Variants in RAD51B observed in about 807,000 individuals in gnomAD.
The protein encoded by RAD51B is RAD51 paralog B.
Under a neutral mutation model 42.2 loss-of-function variants are expected in RAD51B, and 38 were observed. That is an observed-to-expected ratio of 0.90 (90% CI 0.70 to 1.18). The LOEUF (loss-of-function observed/expected upper bound fraction) is 1.18. Among genes scored for constraint, RAD51B ranks in the 50% most tolerant of loss-of-function variants. The probability of loss-of-function intolerance (pLI) is 0.00; values close to 1 mark genes in which losing one functional copy is unlikely to be tolerated. For synonymous variants in RAD51B, 154 were observed against 145.2 expected (o/e 1.06, Z -0.43); for missense variants, 373 against 400.7 (o/e 0.93, Z 0.59).
intron 7 of RAD51B, among the ~76,000 whole-genome samples, chr14:68,246,070 G>A (rs1171667063): frequency 6.6e-6 from 1 of 152,124 alleles, no homozygotes; most frequent in Non-Finnish European, 1.5e-5. Flanking sequence ...AGTTTTATAT[G>A]TTATTTTGTT....
At chr14:67,974,269 T>C (rs1381857037) in intron 7 of RAD51B, among the ~76,000 whole-genome samples, 1 of 152,036 alleles carries the variant, frequency 6.6e-6, no homozygotes, top group African/African-American at 2.4e-5. Flanking sequence ...AGAGATACTA[T>C]CCAGCAGAGA....
At chr14:67,824,303 G>T (rs993633835) in intron 2 of RAD51B, among the ~76,000 whole-genome samples, 7 of 152,090 alleles carry the variant, frequency 4.6e-5, no homozygotes, top group Admixed American at 1.3e-4. Context: ...TGTTGCCCAG[G>T]CTGGAGTACA....
intron 7 of RAD51B, among the ~76,000 whole-genome samples, chr14:68,202,910 A>G (rs1325070351): frequency 1.9e-4 from 29 of 152,128 alleles, no homozygotes; most frequent in Non-Finnish European, 1.2e-4. Context: ...AGATTTTATC[A>G]TGAGATTGCA....
chr14:68,559,733 G>A (rs1360107630), intron 10 of RAD51B, among the ~76,000 whole-genome samples: 1 of 152,178 alleles, frequency 6.6e-6, no homozygotes, highest in East Asian at 1.9e-4. Context: ...CTGCAGAGGT[G>A]TTTGTAGTCC....
intron 9 of RAD51B, among the ~76,000 whole-genome samples, chr14:68,467,621 GCCCAAA>G (rs1378061964): frequency 1.3e-5 from 2 of 152,244 alleles, no homozygotes; most frequent in African/African-American, 2.4e-5. Flanking sequence ...CAAGTCATAT[GCCCAAA>G]CCCACAATCA....
chr14:68,157,119 C>T (rs1424570404), intron 7 of RAD51B, among the ~76,000 whole-genome samples: 1 of 152,084 alleles, frequency 6.6e-6, no homozygotes, highest in Non-Finnish European at 1.5e-5. Context: ...ACTGCTTGAG[C>T]CTGGGTGGTT....
chr14:68,112,215 G>A (rs933627322), intron 7 of RAD51B, among the ~76,000 whole-genome samples: 2 of 151,996 alleles, frequency 1.3e-5, no homozygotes, highest in Admixed American at 1.3e-4. Context: ...CACTCATTGA[G>A]ATTTAGTCTC....
At chr14:68,171,741 C>T (rs1348353151) in intron 7 of RAD51B, among the ~76,000 whole-genome samples, 2 of 151,966 alleles carry the variant, frequency 1.3e-5, no homozygotes, top group Non-Finnish European at 2.9e-5. Context: ...GAGTCTCGCT[C>T]TGTCGCCCAG....
At chr14:68,657,256 T>C (rs1223301364) in intron 11 of RAD51B, among the ~76,000 whole-genome samples, 3 of 152,200 alleles carry the variant, frequency 2.0e-5, no homozygotes, top group African/African-American at 7.2e-5. Context: ...CACAGAGATC[T>C]AGGTTCAAAT....
chr14:67,893,493 C>CAAAAA (rs1566945246), intron 7 of RAD51B, among the ~76,000 whole-genome samples: 1 of 81,182 alleles, frequency 1.2e-5, no homozygotes, highest in African/African-American at 6.1e-5. Context: ...CACACACACA[C>CAAAAA]ACACACACAC....
chr14:68,537,702 T>C (rs1887720299), intron 10 of RAD51B, among the ~76,000 whole-genome samples: 1 of 152,194 alleles, frequency 6.6e-6, no homozygotes, highest in Non-Finnish European at 1.5e-5. Flanking sequence ...AAAAAGACAA[T>C]TAATGGGATA....
intron 7 of RAD51B, among the ~76,000 whole-genome samples, chr14:67,971,986 A>G (rs1168863982): frequency 2.0e-4 from 31 of 151,258 alleles, no homozygotes; most frequent in African/African-American, 7.5e-4. Context: ...TTTAACACAT[A>G]TGTTAACCAC....
At chr14:68,501,428 C>T (rs1469313591) in intron 10 of RAD51B, among the ~76,000 whole-genome samples, 1 of 152,216 alleles carries the variant, frequency 6.6e-6, no homozygotes, top group Non-Finnish European at 1.5e-5. Context: ...CCATCCACAT[C>T]ATGAGGAGTG....
chr14:68,489,264 C>T (rs1792272142), intron 10 of RAD51B, among the ~76,000 whole-genome samples: 1 of 152,176 alleles, frequency 6.6e-6, no homozygotes, highest in East Asian at 1.9e-4. Flanking sequence ...AGAAAGGCAT[C>T]TGTAATGTTA....
exon 11 of RAD51B, chr14:68,595,919 A>G: frequency 2.7e-6 from 1 of 364,076 alleles, no homozygotes; most frequent in Middle Eastern, 9.7e-4. Flanking sequence ...CAATAAGATT[A>G]TACTTGACTT....
intron 7 of RAD51B, among the ~76,000 whole-genome samples, chr14:68,284,142 C>A (rs552248661): frequency 3.0e-4 from 45 of 152,160 alleles, no homozygotes; most frequent in African/African-American, 9.2e-4. Context: ...ACAGTGAAAT[C>A]TACAGAAGAC....
chr14:68,632,232 G>A (rs1353806603), intron 10 of RAD51B, among the ~76,000 whole-genome samples: 3 of 152,070 alleles, frequency 2.0e-5, no homozygotes, highest in East Asian at 1.9e-4. Flanking sequence ...CACATCCTCC[G>A]GGAGGTTCTT....
intron 7 of RAD51B, among the ~76,000 whole-genome samples, chr14:68,204,218 C>T (rs1298005418): frequency 1.3e-5 from 2 of 152,144 alleles, no homozygotes; most frequent in African/African-American, 2.4e-5. Flanking sequence ...TTCTTTCTTT[C>T]ACTTGAACAC....
intron 7 of RAD51B, among the ~76,000 whole-genome samples, chr14:67,997,523 C>T (rs886479321): frequency 1.3e-5 from 2 of 152,066 alleles, no homozygotes; most frequent in South Asian, 2.1e-4. Context: ...TGCCTCCAAC[C>T]CCTTCTCTAT....
Sources: gnomAD v4.1 joint callset for allele counts (sites outside exome capture counted in the v4.1 genomes callset) on GRCh38, gnomAD v4.1.1 for gene constraint, MANE v1.5 for transcripts, NCBI Gene and HGNC (gene_info 2026-07-23, HGNC 2026-07-21) for gene names.